NLRP3: variants seen among roughly 807,000 people sequenced by gnomAD.
The protein encoded by NLRP3 is NLR family pyrin domain containing 3.
A neutral mutation model predicts 91.3 loss-of-function variants in NLRP3; 48 were observed. The ratio of observed to expected loss-of-function variants is 0.53; its 90% CI spans 0.42 to 0.67. NLRP3 has a LOEUF of 0.67. NLRP3 is among the 30% of genes least tolerant of loss of function. The pLI, the probability that NLRP3 is intolerant of heterozygous loss-of-function variation, is 0.00. For synonymous variants in NLRP3, 561 were observed against 507.9 expected, an observed-to-expected ratio of 1.10 and a Z score of -1.41; for missense variants, 982 against 1,276.9, an observed-to-expected ratio of 0.77 and a Z score of 3.52.
intron 5 of NLRP3, among the ~76,000 whole-genome samples, chr1:247,432,840 G>A (rs910802220): frequency 2.6e-5 from 4 of 151,922 alleles, no homozygotes; most frequent in East Asian, 1.9e-4. Context: ...TGGTGGTGAC[G>A]GTGGTAGTGA....
chr1:247,448,804 ACTTT>A lies in NLRP3; in HGVS notation c.*305_*308del, dbSNP rs779438524. On this transcript the variant is annotated 3_prime_UTR_variant, in exon 10 of 10. Coordinates refer to ENST00000336119, the MANE Select transcript of NLRP3 (RefSeq NM_001243133.2). ...ATGTAATTAGCTCATTCAATAAAGC[ACTTT>A]CTTTATTTTTCTCTTCTCTGTCTAA... 1.5e-5 allele frequency: 6 copies of A among 400,606 alleles called. No homozygotes were observed. The highest frequency in any genetic ancestry group is 7.8e-5 in the Admixed American group (2 of 25,624). The allele number at this position is 400,606 out of a possible 1,614,324, so 24.8% of individuals were successfully genotyped here.
intron 5 of NLRP3, 71 bp downstream of exon 5, chr1:247,429,826 G>A (rs1381068337): frequency 6.4e-7 from 1 of 1,570,282 alleles, no homozygotes; most frequent in Admixed American, 1.7e-5. Flanking sequence ...ACAGACTGGA[G>A]AAAGATCTTC....
chr1:247,434,123 C>T lies in NLRP3; in HGVS notation c.2342C>T (p.Ser781Leu), dbSNP rs201969526. 4.7e-6 allele frequency: 7 copies of T among 1,479,964 alleles called. No individual in the cohort carries two copies. Among genetic ancestry groups the T allele is most frequent in the East Asian group, 5.2e-5 (2 of 38,332 alleles). 91.7% of individuals were successfully genotyped at this position (1,479,964 alleles called of 1,614,324 possible). ...RRLWLGRCGL[S>L]HECCFDISLV... is the part of the protein sequence containing the mutation. ...TGAAGGTTGGGGCGCTGTGGCCTCT[C>T]GCATGAGTGCTGCTTCGACATCTCC... The change falls in exon 6 of 10, where the codon TCG (serine) becomes TTG (leucine). Residue 781 changes from serine (S) to leucine (L), a missense_variant. Coordinates refer to ENST00000336119, the MANE Select transcript of NLRP3 (RefSeq NM_001243133.2).
chr1:247,441,893 C>A (rs961729850), intron 7 of NLRP3, among the ~76,000 whole-genome samples: 11 of 152,332 alleles, frequency 7.2e-5, no homozygotes, highest in Admixed American at 1.3e-4. Context: ...CCATTCTACT[C>A]CTTTTTGGAA....
At chr1:247,443,410 C>T (rs936727988) in intron 7 of NLRP3, among the ~76,000 whole-genome samples, 49 of 152,162 alleles carry the variant, frequency 3.2e-4, no homozygotes, top group African/African-American at 8.4e-4. Context: ...CGCAGGAAGG[C>T]GGGAGGTGGC....
intron 2 of NLRP3, among the ~76,000 whole-genome samples, chr1:247,422,432 T>C (rs1662532635): frequency 6.6e-6 from 1 of 151,960 alleles, no homozygotes; most frequent in Admixed American, 6.6e-5. Flanking sequence ...CCACCTGAAG[T>C]TATCTGTCTT....
Position 247,418,696 on chromosome 1 carries a change from T to A in NLRP3, c.-105T>A, listed in dbSNP as rs200156743. On this transcript the variant is annotated 5_prime_UTR_variant, in exon 2 of 10. Transcript: ENST00000336119. ...CTGAGTTTTTGATAATTTATATCTC[T>A]CAAAGTGGAGACTTTAAAAAAGACT... 2 of 1,365,462 alleles carry A rather than the reference T, an allele frequency of 1.5e-6. No homozygotes were observed. Among genetic ancestry groups the A allele is most frequent in the Non-Finnish European group, 2.1e-6 (2 of 965,466 alleles). 84.6% of individuals were successfully genotyped at this position (1,365,462 alleles called of 1,614,324 possible).
intron 7 of NLRP3, among the ~76,000 whole-genome samples, chr1:247,438,694 T>G (rs1271001312): frequency 1.3e-5 from 2 of 152,224 alleles, no homozygotes; most frequent in African/African-American, 2.4e-5. Flanking sequence ...GTTTACCTTT[T>G]TTGTTGTTGT....
chr1:247,418,770 C>T lies in NLRP3; in HGVS notation c.-31C>T, dbSNP rs1460670829. Reference sequence around the variant, plus strand: ...CTGGTATCTTAGTGTGGACCGAAGCCTAAGGACCCTGAAAACAGCTGCAGA... The same window carrying T: ...CTGGTATCTTAGTGTGGACCGAAGCTTAAGGACCCTGAAAACAGCTGCAGA... On this transcript the variant is annotated 5_prime_UTR_variant, in exon 2 of 10. Transcript: ENST00000336119. The T allele has an allele frequency of 3.1e-6, 5 of 1,612,730 alleles. No individual in the cohort carries two copies. Among genetic ancestry groups the T allele is most frequent in the Middle Eastern group, 2.0e-4 (1 of 5,060 alleles).
chr1:247,437,023 G>C (rs536106495), intron 7 of NLRP3, among the ~76,000 whole-genome samples: 1 of 152,338 alleles, frequency 6.6e-6, no homozygotes, highest in Admixed American at 6.5e-5. Flanking sequence ...CACTCAGAGA[G>C]AAGGTAGTGG....
chr1:247,443,591 G>A (rs1664392798), intron 7 of NLRP3, among the ~76,000 whole-genome samples: 1 of 151,716 alleles, frequency 6.6e-6, no homozygotes. Flanking sequence ...CTGCAGTGTG[G>A]GTGTCTGCAG....
At chr1:247,446,094 C>T (rs1664567714) in intron 9 of NLRP3, among the ~76,000 whole-genome samples, 1 of 152,190 alleles carries the variant, frequency 6.6e-6, no homozygotes, top group South Asian at 2.1e-4. Context: ...GTTGCTCGGG[C>T]CAAAACATTT....
chr1:247,430,675 C>T (rs536912215), intron 5 of NLRP3, among the ~76,000 whole-genome samples: 2 of 151,978 alleles, frequency 1.3e-5, no homozygotes, highest in East Asian at 1.9e-4. Context: ...CCATGATGCT[C>T]GATATATTCC....
Position 247,424,228 on chromosome 1 carries a change from G to A in NLRP3, c.779G>A (p.Arg260Gln), listed in dbSNP as rs180177442. 1 of 1,614,028 alleles carries A rather than the reference G, an allele frequency of 6.2e-7. No homozygotes were observed. Among genetic ancestry groups the A allele is most frequent in the Non-Finnish European group, 8.5e-7 (1 of 1,179,998 alleles). The change falls in exon 4 of 10, where the codon CGA becomes CAA. Residue 260 changes from arginine to glutamine, a missense_variant. By Grantham distance (43) the Arg-to-Gln change is conservative. Transcript: ENST00000336119. This position sits in a 1 kb window ranked among gnomAD's most constrained non-coding sequence, Gnocchi z 8.1. ...GACTATCTGTTCTATATCCACTGTCGAGAGGTGAGCCTTGTGACACAGAGG... is the reference window on the plus strand; with the variant it reads ...GACTATCTGTTCTATATCCACTGTCAAGAGGTGAGCCTTGTGACACAGAGG... ...RFDYLFYIHC[R>Q]EVSLVTQRSL... is the part of the protein sequence containing the mutation.
Position 247,418,954 on chromosome 1 carries a change from C to G in NLRP3, c.154C>G (p.Leu52Val), listed in dbSNP as rs1475761802. ...GQTEKADHVD[L>V]ATLMIDFNGE... ...GACAGAGAAGGCAGACCATGTGGAT[C>G]TAGCCACGCTAATGATCGACTTCAA... The change falls in exon 2 of 10, where the codon CTA (leucine) becomes GTA (valine). Residue 52 changes from leucine (L) to valine (V), a missense_variant. By Grantham distance (32) the Leu-to-Val change is conservative. Transcript: ENST00000336119. 13 of 1,614,126 alleles carry G rather than the reference C, an allele frequency of 8.1e-6. No homozygotes were observed. Among genetic ancestry groups the G allele is most frequent in the Non-Finnish European group, 1.1e-5 (13 of 1,180,030 alleles).
At chr1:247,430,871 A>G (rs1572189143) in intron 5 of NLRP3, among the ~76,000 whole-genome samples, 1 of 151,892 alleles carries the variant, frequency 6.6e-6, no homozygotes, top group East Asian at 2.0e-4. Flanking sequence ...GGCTCAAGCA[A>G]TCCTCCCACC....
chr1:247,438,882 T>C (rs995046275), intron 7 of NLRP3, among the ~76,000 whole-genome samples: 6 of 152,244 alleles, frequency 3.9e-5, no homozygotes, highest in African/African-American at 1.4e-4. Flanking sequence ...CTCAGCCCTC[T>C]TCTGAGAGAG....
At chr1:247,446,292 C>T (rs1664580266) in intron 9 of NLRP3, among the ~76,000 whole-genome samples, 1 of 152,218 alleles carries the variant, frequency 6.6e-6, no homozygotes, top group Non-Finnish European at 1.5e-5. Flanking sequence ...ACAGGTCACC[C>T]TGCATCTGTT....
chr1:247,418,959 C>T lies in NLRP3; in HGVS notation c.159C>T (p.Ala53=). 1 of 1,614,144 alleles carries T rather than the reference C, an allele frequency of 6.2e-7. No individual in the cohort carries two copies. The highest frequency in any genetic ancestry group is 1.1e-5 in the South Asian group (1 of 91,074). Reference sequence around the variant, plus strand: ...AGAAGGCAGACCATGTGGATCTAGCCACGCTAATGATCGACTTCAATGGGG... The same window carrying T: ...AGAAGGCAGACCATGTGGATCTAGCTACGCTAATGATCGACTTCAATGGGG... The part of the protein sequence containing the change: ...QTEKADHVDL[A]TLMIDFNGEE... Residue 53 remains alanine, a synonymous_variant, in exon 2 of 10, where the codon GCC becomes GCT. Coordinates refer to ENST00000336119, the MANE Select transcript of NLRP3 (RefSeq NM_001243133.2).
Sources: gnomAD v4.1 joint callset for allele counts (sites outside exome capture counted in the v4.1 genomes callset) on GRCh38, gnomAD v4.1.1 for gene constraint, Gnocchi (gnomAD v3.1) non-coding constraint, MANE v1.5 for transcripts, NCBI Gene and HGNC (gene_info 2026-07-23, HGNC 2026-07-21) for gene names.